STAU1: variants seen among roughly 807,000 people sequenced by gnomAD.
STAU1 encodes the protein double-stranded RNA-binding protein Staufen homolog 1.
STAU1 carries 13 observed loss-of-function variants against 62.9 expected under a neutral mutation model. The observed-to-expected ratio is 0.21, with a 90% CI of 0.13 to 0.33. The LOEUF is 0.33. Ranked by LOEUF, STAU1 falls within the 10% of genes least tolerant of loss-of-function variation. The probability of loss-of-function intolerance (pLI) is 1.00; values close to 1 mark genes in which losing one functional copy is unlikely to be tolerated. For synonymous variants in STAU1, 269 were observed against 265.1 expected (o/e 1.01, Z -0.14); for missense variants, 571 against 712.1 (o/e 0.80, Z 2.25).
upstream of STAU1, among the ~76,000 whole-genome samples, chr20:49,188,598 T>C (rs556536534): frequency 1.4e-4 from 21 of 152,340 alleles, no homozygotes; most frequent in African/African-American, 4.3e-4. Context: ...GGTGGGAGTT[T>C]CGCGCTGCCT....
chr20:49,166,269 G>C lies in STAU1; in HGVS notation c.-68C>G. ...TCAGTGCAGGTTAATTCAGTGCTAT[G>C]AAGTCTAAAGTTCTACCTAAAAGTT... On this transcript the variant is annotated 5_prime_UTR_variant, in exon 3 of 14. Transcript: ENST00000371856. 1 of 1,404,766 alleles carries C rather than the reference G, an allele frequency of 7.1e-7. No homozygotes were observed. The highest frequency in any genetic ancestry group is 1.2e-5 in the South Asian group (1 of 82,474). The allele number at this position is 1,404,766 out of a possible 1,614,324, so 87.0% of individuals were successfully genotyped here.
intron 6 of STAU1, among the ~76,000 whole-genome samples, chr20:49,135,339 A>G (rs1205068985): frequency 6.6e-6 from 1 of 152,240 alleles, no homozygotes; most frequent in African/African-American, 2.4e-5. Flanking sequence ...TCCCACTTTG[A>G]TCAGACAATT....
At chr20:49,158,738 A>G (rs185885831) in intron 3 of STAU1, among the ~76,000 whole-genome samples, 1,790 of 152,052 alleles carry the variant, frequency 0.012, 40 homozygotes, top group African/African-American at 0.04. Flanking sequence ...TGAACCCGGG[A>G]GGCAGAGGTT....
chr20:49,118,166 A>G, intron 10 of STAU1, 70 bp from the exon 11 acceptor site: 1 of 1,501,478 alleles, frequency 6.7e-7, no homozygotes, highest in East Asian at 2.3e-5. Flanking sequence ...ACACCATCAA[A>G]CCCCACGCTG....
At chr20:49,203,366 A>C in the STAU1 span, among the ~76,000 whole-genome samples, 1 of 152,194 alleles carries the variant, frequency 6.6e-6, no homozygotes, top group African/African-American at 2.4e-5. Flanking sequence ...CAGAGGTTGC[A>C]GCGAACCAAG....
chr20:49,124,662 C>T lies in STAU1; in HGVS notation c.610-75G>A. 2.0e-6 allele frequency: 3 copies of T among 1,483,466 alleles called. No individual in the cohort carries two copies. In the South Asian group the frequency reaches 3.4e-5, roughly 17 times the overall value. 91.9% of individuals were successfully genotyped at this position (1,483,466 alleles called of 1,614,324 possible). On this transcript the variant is annotated intron_variant, in intron 6 of 13. Coordinates refer to ENST00000371856, the MANE Select transcript of STAU1 (RefSeq NM_017453.4). ...GCTCCAAGGCACACTGGCTGGCACA[C>T]TTCACACAGACACAGGGAAGGGGAA... is the stretch of plus-strand genomic sequence containing the variant.
At position 49,124,444 on chromosome 20, in the gene STAU1, C is replaced by T. The variant is rs1474952215; in HGVS notation, c.753G>A (p.Lys251=). 6.2e-7 allele frequency: 1 copy of T among 1,614,078 alleles called. No homozygotes were observed. The highest frequency in any genetic ancestry group is 8.5e-7 in the Non-Finnish European group (1 of 1,180,054). ...AAIAVLEELK[K]LPPLPAVERV... ...GTTCAACTGCAGGCAGGGGCGGTAA[C>T]TTCTTCAGCTCCTCAAGAACAGCTA... The change falls in exon 7 of 14, where the codon AAG becomes AAA. Residue 251 remains lysine (K), a synonymous_variant. Transcript: ENST00000371856.
At chr20:49,201,392 A>G in the STAU1 span, among the ~76,000 whole-genome samples, 1 of 152,178 alleles carries the variant, frequency 6.6e-6, no homozygotes, top group African/African-American at 2.4e-5. Context: ...GGCAAAAGCC[A>G]AAAGAACTGC....
At position 49,150,439 on chromosome 20, in the gene STAU1, G is replaced by A. The variant is rs186791290; in HGVS notation, c.510+1143C>T. On this transcript the variant is annotated intron_variant, in intron 5 of 13. Coordinates refer to ENST00000371856, the MANE Select transcript of STAU1 (RefSeq NM_017453.4). ...TGCAGTGGCACAATCTCGGCTCACCGCAAGCTCCGCCTCCCGGGTTCATGC... is the reference window on the plus strand; with the variant it reads ...TGCAGTGGCACAATCTCGGCTCACCACAAGCTCCGCCTCCCGGGTTCATGC... 2.0e-4 allele frequency among the ~76,000 whole-genome samples: 30 copies of A among 151,532 alleles called. 2 individuals are homozygous for A. Among genetic ancestry groups the A allele is most frequent in the East Asian group, 7.8e-4 (4 of 5,142 alleles).
At chr20:49,204,646 A>T in the STAU1 span, among the ~76,000 whole-genome samples, 524 of 32,122 alleles carry the variant, frequency 0.016, 21 homozygotes, top group South Asian at 0.021. Context: ...ATATATATAT[A>T]TTTTTTTTTT....
chr20:49,120,245 C>T (rs2092434938), intron 8 of STAU1, 117 bp from the exon 9 acceptor site: 3 of 1,212,026 alleles, frequency 2.5e-6, no homozygotes, highest in Non-Finnish European at 3.4e-6. Flanking sequence ...AACAGCAGTG[C>T]CCCGAACCTG....
chr20:49,138,873 C>T (rs1042289169), intron 5 of STAU1, among the ~76,000 whole-genome samples: 3 of 152,044 alleles, frequency 2.0e-5, no homozygotes, highest in Non-Finnish European at 2.9e-5. Context: ...TTAAAACTGG[C>T]AATTTGCAAG....
intron 3 of STAU1, among the ~76,000 whole-genome samples, chr20:49,165,343 T>TA (rs1555861091): frequency 6.6e-6 from 1 of 151,488 alleles, no homozygotes; most frequent in Admixed American, 6.6e-5. Context: ...GCGCCCGGCC[T>TA]ATTTTTTCTT....
chr20:49,138,538 G>A (rs6066977), intron 5 of STAU1, among the ~76,000 whole-genome samples: 57,691 of 151,814 alleles, frequency 0.38, 11,091 homozygotes, highest in Middle Eastern at 0.48. Flanking sequence ...GTCTCACACT[G>A]TTGCCCAGTC....
At chr20:49,195,903 A>AAAAAAAAAAAAAAAAAAAAG in the STAU1 span, among the ~76,000 whole-genome samples, 5 of 94,394 alleles carry the variant, frequency 5.3e-5, no homozygotes, top group Non-Finnish European at 9.3e-5. Flanking sequence ...CCTCTCAAAA[A>AAAAAAAAAAAAAAAAAAAAG]AAAAAAAAAA....
intron 1 of STAU1, among the ~76,000 whole-genome samples, chr20:49,186,014 T>G (rs1423200932): frequency 6.6e-6 from 1 of 151,898 alleles, no homozygotes; most frequent in Non-Finnish European, 1.5e-5. Context: ...GCTCAAGAGA[T>G]AGTCTCCATC....
At chr20:49,202,230 A>AAAAAGAAAGAAAGAAAG in the STAU1 span, among the ~76,000 whole-genome samples, 5 of 130,394 alleles carry the variant, frequency 3.8e-5, no homozygotes, top group African/African-American at 5.8e-5. Flanking sequence ...AAAAAAAAAA[A>AAAAAGAAAGAAAGAAAG]AAAGAAAGAA....
chr20:49,171,333 T>C (rs957782055), intron 2 of STAU1, among the ~76,000 whole-genome samples: 3 of 152,236 alleles, frequency 2.0e-5, no homozygotes, highest in Admixed American at 1.3e-4. Flanking sequence ...CTCGCTCTGT[T>C]GCCCAGGCTG....
At chr20:49,124,247 T>C in intron 7 of STAU1, 128 bp downstream of exon 7, 5 of 915,426 alleles carry the variant, frequency 5.5e-6, no homozygotes, top group Non-Finnish European at 8.5e-6. Flanking sequence ...CTCTAAGGGG[T>C]CTGGCAGGCC....
Sources: gnomAD v4.1 joint callset for allele counts (sites outside exome capture counted in the v4.1 genomes callset) on GRCh38, gnomAD v4.1.1 for gene constraint, MANE v1.5 for transcripts, NCBI Gene and HGNC (gene_info 2026-07-23, HGNC 2026-07-21) for gene names.